Variants in EEF2K observed in about 807,000 individuals in gnomAD.
EEF2K encodes eukaryotic elongation factor 2 kinase.
Under a neutral mutation model 93.8 loss-of-function variants are expected in EEF2K, and 70 were observed. That is an observed-to-expected ratio of 0.75 (90% CI 0.62 to 0.91). The LOEUF (loss-of-function observed/expected upper bound fraction) is 0.91. Among genes scored for constraint, EEF2K ranks in the 40% least tolerant of loss-of-function variants. The probability of loss-of-function intolerance (pLI) is 0.00; values close to 1 mark genes in which losing one functional copy is unlikely to be tolerated. For missense variants in EEF2K, 935 were observed against 972.9 expected (o/e 0.96, Z 0.52); for synonymous variants, 376 against 380.8 (o/e 0.99, Z 0.15).
chr16:22,220,140 G>A (rs1045515509), intron 1 of EEF2K, among the ~76,000 whole-genome samples: 1 of 152,200 alleles, frequency 6.6e-6, no homozygotes, highest in Non-Finnish European at 1.5e-5. Context: ...CAGCTATTGG[G>A]GGATAGTTTG....
chr16:22,229,531 C>T (rs900917164), intron 2 of EEF2K, among the ~76,000 whole-genome samples: 4 of 152,054 alleles, frequency 2.6e-5, no homozygotes, highest in Admixed American at 1.3e-4. Flanking sequence ...GGCGAAACCC[C>T]GTCTCTACGA....
In EEF2K at chr16:22,266,319, G is replaced by A. The variant is rs749806381; in HGVS notation, c.1441-71G>A. On this transcript the variant is annotated intron_variant, in intron 13 of 17. Transcript: ENST00000263026. ...CTCCAGCCAGGCTCCTGTGTAGTAGGGGCTGCTGACAGCTGTGATGCTGCG... is the reference window on the plus strand; with the variant it reads ...CTCCAGCCAGGCTCCTGTGTAGTAGAGGCTGCTGACAGCTGTGATGCTGCG... The A allele has an allele frequency of 3.2e-4, 493 of 1,551,532 alleles. 1 individual carries two copies. The highest frequency in any genetic ancestry group is 3.8e-4 in the Non-Finnish European group (436 of 1,149,472).
chr16:22,221,708 C>T (rs1182955060), intron 1 of EEF2K, among the ~76,000 whole-genome samples: 2 of 152,146 alleles, frequency 1.3e-5, no homozygotes, highest in Non-Finnish European at 2.9e-5. Context: ...AACTAATTTA[C>T]TTACTATTTT....
chr16:22,271,001 G>A (rs865812965), intron 15 of EEF2K, among the ~76,000 whole-genome samples: 1 of 137,828 alleles, frequency 7.3e-6, no homozygotes, highest in Non-Finnish European at 1.5e-5. Context: ...ACAGGCTCTC[G>A]CTCTGCTGCC....
chr16:22,211,923 C>A (rs989121546), intron 1 of EEF2K, among the ~76,000 whole-genome samples: 1 of 151,992 alleles, frequency 6.6e-6, no homozygotes, highest in African/African-American at 2.4e-5. Flanking sequence ...ACACACGGCC[C>A]CTTTTGTTCA....
chr16:22,254,844 G>A (rs1187669543), intron 6 of EEF2K, among the ~76,000 whole-genome samples: 1 of 152,016 alleles, frequency 6.6e-6, no homozygotes, highest in Admixed American at 6.6e-5. Context: ...GGGGTGGGGG[G>A]GCGGATCACT....
chr16:22,253,874 G>A (rs1030099028), intron 6 of EEF2K, among the ~76,000 whole-genome samples: 14 of 152,020 alleles, frequency 9.2e-5, no homozygotes, highest in East Asian at 1.9e-4. Context: ...TGAAGTGGGC[G>A]GATCACCTGA....
chr16:22,259,827 A>G (rs997327070), intron 10 of EEF2K, among the ~76,000 whole-genome samples: 2 of 151,918 alleles, frequency 1.3e-5, no homozygotes, highest in South Asian at 2.1e-4. Context: ...ATCTTGGCTC[A>G]TTGCAATCTC....
At position 22,225,986 on chromosome 16, in the gene EEF2K, C is replaced by T; in HGVS notation, c.246+11C>T. The T allele has an allele frequency of 6.2e-7, 1 of 1,612,282 alleles. No homozygotes were observed. Among genetic ancestry groups the T allele is most frequent in the African/African-American group, 1.3e-5 (1 of 75,022 alleles). ...TCCTTCCACTTCAAGGTGAGTGAGC[C>T]ACCTATTCCACCTTCCCCACCTGGC... On this transcript the variant is annotated intron_variant, in intron 2 of 17. Coordinates refer to ENST00000263026, the MANE Select transcript of EEF2K (RefSeq NM_013302.5).
chr16:22,253,658 TCTAA>T (rs1394974935), intron 6 of EEF2K, among the ~76,000 whole-genome samples: 10 of 151,150 alleles, frequency 6.6e-5, no homozygotes, highest in Middle Eastern at 3.2e-3. Context: ...GTCACATCAT[TCTAA>T]CTTTTTTTTT....
intron 2 of EEF2K, among the ~76,000 whole-genome samples, chr16:22,227,669 A>G (rs2047076791): frequency 6.6e-6 from 1 of 152,226 alleles, no homozygotes; most frequent in African/African-American, 2.4e-5. Flanking sequence ...GCAAACAGCA[A>G]TTGTTTACAG....
At chr16:22,229,421 AAGAC>A (rs1355712758) in intron 2 of EEF2K, among the ~76,000 whole-genome samples, 1 of 152,222 alleles carries the variant, frequency 6.6e-6, no homozygotes, top group Non-Finnish European at 1.5e-5. Context: ...TGGTATAAAG[AAGAC>A]GGGGAGAAGC....
chr16:22,267,604 A>AG (rs1313999592), intron 15 of EEF2K, among the ~76,000 whole-genome samples: 3 of 151,986 alleles, frequency 2.0e-5, no homozygotes, highest in African/African-American at 7.3e-5. Flanking sequence ...CCAAAAAAAA[A>AG]AAAAATTGGG....
chr16:22,226,623 C>T (rs2047067709), intron 2 of EEF2K, among the ~76,000 whole-genome samples: 1 of 150,916 alleles, frequency 6.6e-6, no homozygotes. Flanking sequence ...TCAAGCAAGC[C>T]TCCCACCTCA....
chr16:22,244,190 C>T (rs1263722774), intron 2 of EEF2K, among the ~76,000 whole-genome samples: 2 of 151,712 alleles, frequency 1.3e-5, no homozygotes, highest in East Asian at 3.9e-4. Flanking sequence ...GATCACATCA[C>T]TGCACTCCAG....
intron 2 of EEF2K, among the ~76,000 whole-genome samples, chr16:22,234,878 T>C (rs1473032031): frequency 5.0e-5 from 3 of 60,314 alleles, no homozygotes; most frequent in South Asian, 6.3e-4. Flanking sequence ...TTTTTGTTGC[T>C]TTTTTTTTTT....
intron 2 of EEF2K, among the ~76,000 whole-genome samples, chr16:22,227,004 G>T (rs2047071432): frequency 6.6e-6 from 1 of 152,116 alleles, no homozygotes; most frequent in Non-Finnish European, 1.5e-5. Flanking sequence ...TTCTAGAGCA[G>T]CCTGGCCAAC....
At chr16:22,218,808 C>G (rs2046984045) in intron 1 of EEF2K, among the ~76,000 whole-genome samples, 1 of 151,992 alleles carries the variant, frequency 6.6e-6, no homozygotes, top group South Asian at 2.1e-4. Context: ...CTTCCTGACT[C>G]ACTCAGCTAC....
At chr16:22,283,654 A>T (rs1259698304) in intron 17 of EEF2K, among the ~76,000 whole-genome samples, 1 of 152,190 alleles carries the variant, frequency 6.6e-6, no homozygotes, top group East Asian at 1.9e-4. Flanking sequence ...CTAAATCTGG[A>T]CCAATCGCTG....
Sources: allele counts gnomAD v4.1 joint callset (sites outside exome capture counted in the v4.1 genomes callset), GRCh38; gene constraint gnomAD v4.1.1; transcripts MANE v1.5; gene names NCBI Gene and HGNC (gene_info 2026-07-23, HGNC 2026-07-21).